Variants in CPNE1 observed in about 807,000 individuals in gnomAD.
CPNE1 encodes the protein copine 1, also known as copine-1.
A neutral mutation model predicts 63.2 loss-of-function variants in CPNE1; 58 were observed. The observed-to-expected ratio is 0.92, with a 90% CI of 0.74 to 1.14. CPNE1 has a LOEUF of 1.14. Ranked by LOEUF, CPNE1 falls within the 50% of genes most tolerant of loss-of-function variation. The pLI, the probability that CPNE1 is intolerant of heterozygous loss-of-function variation, is 0.00. For missense variants in CPNE1, 672 were observed against 661.7 expected (o/e 1.02, Z -0.17); for synonymous variants, 237 against 249.0 (o/e 0.95, Z 0.45).
intron 1 of CPNE1, among the ~76,000 whole-genome samples, chr20:35,641,346 GCCC>G (rs1375614462): frequency 6.6e-6 from 1 of 152,054 alleles, no homozygotes; most frequent in South Asian, 2.1e-4. Flanking sequence ...TCTTTGAAAA[GCCC>G]CCCTTTTTAT....
At position 35,664,880 on chromosome 20, in the gene CPNE1, T is replaced by G. The variant is rs1397963338; in HGVS notation, c.-121A>C. ...CCCGGAGCCCAACGCAGCCACCACC[T>G]CCTTCGCCGCTTCACAAAATGGCCG... On this transcript the variant is annotated 5_prime_UTR_variant, in exon 1 of 16. Coordinates refer to ENST00000397443, the MANE Select transcript of CPNE1 (RefSeq NM_152925.3). The G allele has an allele frequency of 6.6e-6, 1 of 152,432 alleles. No homozygotes were observed. Among genetic ancestry groups the G allele is most frequent in the South Asian group, 2.1e-4 (1 of 4,832 alleles). 9.4% of individuals were successfully genotyped at this position (152,432 alleles called of 1,614,324 possible).
At position 35,654,098 on chromosome 20, in the gene CPNE1, G is replaced by C. The variant is rs747373238; in HGVS notation, c.-1+10662C>G. The C allele has an allele frequency of 1.2e-6, 2 of 1,614,206 alleles. No homozygotes were observed. Among genetic ancestry groups the C allele is most frequent in the Admixed American group, 3.3e-5 (2 of 60,030 alleles). ...TGCCCACTGGGCGATTTTGACCTGG[G>C]AAGTGTCTGAGGAGGGGGATGAGTT... On this transcript the variant is annotated intron_variant, in intron 1 of 15. Transcript: ENST00000397443.
chr20:35,640,152 T>C (rs972235509), intron 1 of CPNE1, among the ~76,000 whole-genome samples: 3 of 152,236 alleles, frequency 2.0e-5, no homozygotes, highest in African/African-American at 7.2e-5. Flanking sequence ...CATCTGTAGT[T>C]TTCTATCCTT....
chr20:35,656,708 G>A (rs2033921220), intron 1 of CPNE1, among the ~76,000 whole-genome samples: 1 of 151,496 alleles, frequency 6.6e-6, no homozygotes, highest in Admixed American at 6.6e-5. Flanking sequence ...CTAAGTGTTT[G>A]TATTTAGGAG....
rs1274165434 is a variant in CPNE1 at position 35,632,629 on chromosome 20, T to A, written c.197A>T (p.Tyr66Phe). 1.3e-6 allele frequency: 2 copies of A among 1,532,606 alleles called. No homozygotes were observed. The highest frequency in any genetic ancestry group is 1.4e-5 in the African/African-American group (1 of 73,266). The allele number at this position is 1,532,606 out of a possible 1,614,324, so 94.9% of individuals were successfully genotyped here. Residue 66 changes from tyrosine (Y) to phenylalanine (F), a missense_variant, in exon 3 of 16, where the codon TAC becomes TTC. Tyr to Phe is a conservative substitution (Grantham distance 22). Transcript: ENST00000397443. ...PEFSKTLQLE[Y>F]RFETVQKLRF... ...TAGCTTCTGGACTGTCTCAAAGCGG[T>A]ACTCAAGCTGTAGAGTCTTGGAGAA...
chr20:35,651,869 G>GT (rs2033546367), intron 1 of CPNE1: 1 of 152,546 alleles, frequency 6.6e-6, no homozygotes, highest in African/African-American at 2.4e-5. Flanking sequence ...TAGCACAAAC[G>GT]AAGTGTGGAC....
chr20:35,660,626 G>T (rs1452428805), intron 1 of CPNE1, among the ~76,000 whole-genome samples: 1 of 152,192 alleles, frequency 6.6e-6, no homozygotes, highest in Non-Finnish European at 1.5e-5. Context: ...CCTGCTTCAA[G>T]TAAAGCAATG....
intron 1 of CPNE1, chr20:35,652,456 G>A (rs6121011): frequency 6.6e-7 from 1 of 1,509,182 alleles, no homozygotes; most frequent in Non-Finnish European, 8.9e-7. Context: ...GGAAATACTA[G>A]GAAAACAATC....
intron 1 of CPNE1, chr20:35,643,072 A>G (rs1453177864): frequency 6.6e-6 from 1 of 152,360 alleles, no homozygotes; most frequent in Non-Finnish European, 1.5e-5. Flanking sequence ...AAAGAACCTA[A>G]CTTGACGACA....
At chr20:35,629,152 G>A (rs1459852621) in intron 13 of CPNE1, among the ~76,000 whole-genome samples, 1 of 152,218 alleles carries the variant, frequency 6.6e-6, no homozygotes, top group Non-Finnish European at 1.5e-5. Flanking sequence ...GTGGTAAAAT[G>A]TTATGTTAGG....
Position 35,631,284 on chromosome 20 carries a change from C to G in CPNE1, c.785G>C (p.Arg262Pro). 1.2e-6 allele frequency: 2 copies of G among 1,614,174 alleles called. No homozygotes were observed. Among genetic ancestry groups the G allele is most frequent in the Non-Finnish European group, 1.7e-6 (2 of 1,180,024 alleles). The change falls in exon 9 of 16, where the codon CGT (arginine) becomes CCT (proline). Residue 262 changes from arginine (R) to proline (P), a missense_variant. Transcript: ENST00000397443. ...TTGTCTCACCCGACAAATCTTGACA[C>G]GGATAGTTCCAGAGTTCTTGTAGCT... ...KKSYKNSGTI[R>P]VKICRVETEY...
chr20:35,654,211 T>G (rs1044790513), intron 1 of CPNE1: 3 of 1,614,256 alleles, frequency 1.9e-6, no homozygotes, highest in Non-Finnish European at 2.5e-6. Context: ...AACTTCCACA[T>G]AGCGTTGAAT....
At chr20:35,634,058 G>A (rs1351294288) in intron 1 of CPNE1, among the ~76,000 whole-genome samples, 5 of 151,158 alleles carry the variant, frequency 3.3e-5, no homozygotes, top group Admixed American at 1.3e-4. Context: ...TCAGGAGATC[G>A]AGACCATCCT....
chr20:35,644,061 A>ATT (rs1568923749), intron 1 of CPNE1, among the ~76,000 whole-genome samples: 2 of 151,524 alleles, frequency 1.3e-5, no homozygotes, highest in African/African-American at 4.9e-5. Flanking sequence ...CCCACCTGTA[A>ATT]AGTAGGGATG....
At chr20:35,646,716 C>T (rs779734284) in intron 1 of CPNE1, among the ~76,000 whole-genome samples, 17 of 152,224 alleles carry the variant, frequency 1.1e-4, no homozygotes, top group African/African-American at 3.6e-4. Context: ...CATCAAGTAG[C>T]CCATTTGAAT....
At chr20:35,646,283 C>CA (rs2033095139) in intron 1 of CPNE1, among the ~76,000 whole-genome samples, 1 of 107,904 alleles carries the variant, frequency 9.3e-6, no homozygotes, top group African/African-American at 3.4e-5. Flanking sequence ...AAAAAAGAAA[C>CA]AAAAAAACTA....
intron 1 of CPNE1, 93 bp downstream of exon 1, chr20:35,664,667 G>T (rs978091274): frequency 6.6e-6 from 1 of 152,454 alleles, no homozygotes; most frequent in Non-Finnish European, 1.5e-5. Flanking sequence ...GTTGCCGCGG[G>T]CTCGAAGGCC....
rs768378833 is a variant in CPNE1 at position 35,630,754 on chromosome 20, G to A, written c.1037C>T (p.Pro346Leu). The change falls in exon 12 of 16, where the codon CCC becomes CTC. Residue 346 changes from proline to leucine, a missense_variant. Pro to Leu is a moderately conservative substitution (Grantham distance 98). Transcript: ENST00000397443. ...FPAFGFGAQV[P>L]PDWQVSHEFA... ...GAGGGAGCTCACCTGCCAGTCAGGGGGAACCTGGGCCCCAAATCCAAATGC... is the reference window on the plus strand; with the variant it reads ...GAGGGAGCTCACCTGCCAGTCAGGGAGAACCTGGGCCCCAAATCCAAATGC... The A allele has an allele frequency of 1.2e-6, 2 of 1,614,044 alleles. No homozygotes were observed. Among genetic ancestry groups the A allele is most frequent in the Non-Finnish European group, 1.7e-6 (2 of 1,179,948 alleles).
chr20:35,626,274 T>G lies in CPNE1; in HGVS notation c.1581A>C (p.Ser527=), dbSNP rs762831855. ...GWAPLKPLPP[S]AKDPAQAPQA ...GGGGGGCCTGTGCAGGATCCTTGGC[T>G]GAGGGTGGAAGTGGCTTGAGCGGGG... The change falls in exon 16 of 16, where the codon TCA becomes TCC. Residue 527 remains serine (S), a synonymous_variant. Transcript: ENST00000397443. The G allele has an allele frequency of 6.2e-7, 1 of 1,614,070 alleles. No homozygotes were observed.
Sources: allele counts gnomAD v4.1 joint callset (sites outside exome capture counted in the v4.1 genomes callset), GRCh38; gene constraint gnomAD v4.1.1; transcripts MANE v1.5; gene names NCBI Gene and HGNC (gene_info 2026-07-23, HGNC 2026-07-21).